Variants in TMCC1 observed in about 807,000 individuals in gnomAD.
TMCC1 encodes the protein transmembrane and coiled-coil domains protein 1.
A neutral mutation model predicts 52.4 loss-of-function variants in TMCC1; 15 were observed. That is an observed-to-expected ratio of 0.29 (90% CI 0.19 to 0.44). The LOEUF (loss-of-function observed/expected upper bound fraction) is 0.44, where lower values mean the gene tolerates loss of function less well. Among genes scored for constraint, TMCC1 ranks in the 20% least tolerant of loss-of-function variants. The pLI, the probability that TMCC1 is intolerant of heterozygous loss-of-function variation, is 1.00. For synonymous variants in TMCC1, 279 were observed against 301.9 expected (o/e 0.92, Z 0.79); for missense variants, 503 against 806.0 (o/e 0.62, Z 4.55).
chr3:129,757,074 T>C (rs1211316942), intron 4 of TMCC1, among the ~76,000 whole-genome samples: 2 of 152,200 alleles, frequency 1.3e-5, no homozygotes, highest in African/African-American at 4.8e-5. Context: ...CCTCATCTCA[T>C]TGACCCAAAG....
intron 4 of TMCC1, among the ~76,000 whole-genome samples, chr3:129,812,325 A>G: frequency 8.2e-6 from 1 of 122,402 alleles, no homozygotes; most frequent in Admixed American, 9.9e-5. Context: ...CAACAGAGCA[A>G]GACTCTGTCT....
chr3:129,731,096 A>G (rs1226701288), intron 4 of TMCC1, among the ~76,000 whole-genome samples: 1 of 152,194 alleles, frequency 6.6e-6, no homozygotes, highest in Non-Finnish European at 1.5e-5. Context: ...AGCAAATCAA[A>G]CCTAGCAATG....
intron 5 of TMCC1, among the ~76,000 whole-genome samples, chr3:129,667,220 TA>T (rs1202933776): frequency 0.016 from 1,354 of 85,814 alleles, 12 homozygotes; most frequent in East Asian, 0.05. Context: ...CCCTGACTCT[TA>T]AAAAAAAAAA....
chr3:129,698,761 C>T (rs1235930222), intron 4 of TMCC1, among the ~76,000 whole-genome samples: 4 of 151,920 alleles, frequency 2.6e-5, no homozygotes, highest in East Asian at 1.9e-4. Context: ...AATATTTTTA[C>T]GTTTTTAAGG....
At chr3:129,869,442 G>A (rs2060812877) in intron 2 of TMCC1, among the ~76,000 whole-genome samples, 1 of 152,110 alleles carries the variant, frequency 6.6e-6, no homozygotes. Context: ...AAGGGGTCAC[G>A]AGAACCCCTG....
At chr3:129,766,837 T>G (rs2054168029) in intron 4 of TMCC1, among the ~76,000 whole-genome samples, 1 of 152,038 alleles carries the variant, frequency 6.6e-6, no homozygotes, top group Admixed American at 6.6e-5. Flanking sequence ...CAGGCTGGTC[T>G]CAAACTCCTG....
At chr3:129,826,433 G>C (rs2107829904) in intron 4 of TMCC1, among the ~76,000 whole-genome samples, 1 of 151,980 alleles carries the variant, frequency 6.6e-6, no homozygotes, top group South Asian at 2.1e-4. Context: ...CCTGAGTCTG[G>C]GGAGGTTAAG....
At position 129,893,607 on chromosome 3, in the gene TMCC1, C is replaced by T. The variant is rs1024156253; in HGVS notation, c.-548G>A. 6.6e-6 allele frequency: 1 copy of T among 152,114 alleles called. No homozygotes were observed. The highest frequency in any genetic ancestry group is 1.5e-5 in the Non-Finnish European group (1 of 67,794). The allele number at this position is 152,114 out of a possible 1,614,324, so 9.4% of individuals were successfully genotyped here. A position where few individuals can be genotyped will look rare whatever the true frequency, so the allele number is the denominator to read the frequency against. Reference sequence around the variant, plus strand: ...CGGTCCATCCCCCACAACCACCCCCCCCTCCCGACCCTCCCCCCGCGCCGC... The same window carrying T: ...CGGTCCATCCCCCACAACCACCCCCTCCTCCCGACCCTCCCCCCGCGCCGC... On this transcript the variant is annotated 5_prime_UTR_variant, in exon 1 of 7. Coordinates refer to ENST00000393238, the MANE Select transcript of TMCC1 (RefSeq NM_001017395.5).
intron 4 of TMCC1, among the ~76,000 whole-genome samples, chr3:129,674,644 C>G (rs1023742392): frequency 6.6e-6 from 1 of 152,132 alleles, no homozygotes; most frequent in African/African-American, 2.4e-5. Context: ...TACAGAATCA[C>G]AGGACAGGGG....
At chr3:129,882,670 C>T (rs1014633962) in intron 1 of TMCC1, among the ~76,000 whole-genome samples, 4 of 152,124 alleles carry the variant, frequency 2.6e-5, no homozygotes, top group African/African-American at 9.7e-5. Flanking sequence ...ATATCATATA[C>T]AATGGAATAC....
intron 4 of TMCC1, among the ~76,000 whole-genome samples, chr3:129,766,492 A>G (rs9821879): frequency 0.092 from 14,030 of 152,280 alleles, 2,107 homozygotes; most frequent in African/African-American, 0.32. Context: ...TGTAGGCTTT[A>G]AAGTATTTAG....
At chr3:129,732,254 G>A (rs904811284) in intron 4 of TMCC1, among the ~76,000 whole-genome samples, 2 of 151,948 alleles carry the variant, frequency 1.3e-5, no homozygotes, top group African/African-American at 2.4e-5. Flanking sequence ...TTTTACTGGC[G>A]AGAACTTCAA....
In TMCC1 at chr3:129,648,222, C is replaced by T. The variant is rs1289090768; in HGVS notation, c.*3259G>A. The T allele has an allele frequency of 2.6e-5, 4 of 152,240 alleles. No individual in the cohort carries two copies. The East Asian group carries it at 5.8e-4, about 22-fold the overall frequency. The allele number at this position is 152,240 out of a possible 1,614,324, so 9.4% of individuals were successfully genotyped here. On this transcript the variant is annotated 3_prime_UTR_variant, in exon 7 of 7. Coordinates refer to ENST00000393238, the MANE Select transcript of TMCC1 (RefSeq NM_001017395.5). ...GCTGAAAGGCAGCTCCTCATTGGAA[C>T]TCTCTCAGAACTCAGCATTTTCATC...
intron 2 of TMCC1, among the ~76,000 whole-genome samples, chr3:129,858,202 CAT>C (rs758532531): frequency 3.6e-4 from 55 of 152,314 alleles, no homozygotes; most frequent in South Asian, 8.3e-4. Context: ...TATTCTACCA[CAT>C]GTGTCCCTCT....
chr3:129,812,928 A>G (rs1412615246), intron 4 of TMCC1, among the ~76,000 whole-genome samples: 1 of 152,198 alleles, frequency 6.6e-6, no homozygotes, highest in East Asian at 1.9e-4. Context: ...CAAACTATAC[A>G]TCAGATAAAG....
intron 1 of TMCC1, among the ~76,000 whole-genome samples, chr3:129,890,186 A>AT (rs1204265708): frequency 6.6e-6 from 1 of 152,228 alleles, no homozygotes; most frequent in Non-Finnish European, 1.5e-5. Context: ...AATAGGAGAC[A>AT]TAATAGCAGT....
rs1466495735 is a variant in TMCC1 at position 129,763,211 on chromosome 3, T to TAAA, written c.576+64589_576+64591dup. 1.8e-4 allele frequency among the ~76,000 whole-genome samples: 11 copies of TAAA among 61,176 alleles called. 1 individual carries two copies. Among genetic ancestry groups the TAAA allele is most frequent in the African/African-American group, 1.3e-3 (8 of 6,392 alleles). The allele number at this position is 61,176 out of a possible 152,430, so 40.1% of individuals were successfully genotyped here. A position where few individuals can be genotyped will look rare whatever the true frequency, so the allele number is the denominator to read the frequency against. ...AGACTCTGTCTCAAAAAATAAAAAA[T>TAAA]AAATAAATAAATAAATAAATAAATA... On this transcript the variant is annotated intron_variant, in intron 4 of 6. Coordinates refer to ENST00000393238, the MANE Select transcript of TMCC1 (RefSeq NM_001017395.5).
rs192779552 is a variant in TMCC1, at chr3:129,815,592, C to G, written c.576+12211G>C. On this transcript the variant is annotated intron_variant, in intron 4 of 6. Coordinates refer to ENST00000393238, the MANE Select transcript of TMCC1 (RefSeq NM_001017395.5). ...CCTATCTCTGAACATATACAAAAATCAAATCAAAAGGGATTAACAACTTAA... is the reference window on the plus strand; with the variant it reads ...CCTATCTCTGAACATATACAAAAATGAAATCAAAAGGGATTAACAACTTAA... 6.2e-4 allele frequency among the ~76,000 whole-genome samples: 94 copies of G among 152,158 alleles called. 4 individuals are homozygous for G. The highest frequency in any genetic ancestry group is 8.8e-5 in the Non-Finnish European group (6 of 67,972).
intron 4 of TMCC1, among the ~76,000 whole-genome samples, chr3:129,799,915 ACT>A (rs1560446187): frequency 6.6e-6 from 1 of 152,112 alleles, no homozygotes; most frequent in Non-Finnish European, 1.5e-5. Context: ...AAACACATTC[ACT>A]GTTATATATA....
Sources: gnomAD v4.1 joint callset for allele counts (sites outside exome capture counted in the v4.1 genomes callset) on GRCh38, gnomAD v4.1.1 for gene constraint, MANE v1.5 for transcripts, NCBI Gene and HGNC (gene_info 2026-07-23, HGNC 2026-07-21) for gene names.